Variants in WNK2 observed in about 807,000 individuals in gnomAD.
WNK2 encodes WNK lysine deficient protein kinase 2.
A neutral mutation model predicts 192.1 loss-of-function variants in WNK2; 67 were observed. The observed-to-expected ratio is 0.35, with a 90% confidence interval of 0.29 to 0.43. The LOEUF (loss-of-function observed/expected upper bound fraction) is 0.43. WNK2 is among the 20% of genes least tolerant of loss of function. The pLI, the probability that WNK2 is intolerant of heterozygous loss-of-function variation, is 1.00. For missense variants in WNK2, 2,698 were observed against 3,089.7 expected, an observed-to-expected ratio of 0.87 and a Z score of 3.01; for synonymous variants, 1,439 against 1,393.9, an observed-to-expected ratio of 1.03 and a Z score of -0.72.
chr9:93,254,711 C>T (rs146294837), intron 9 of WNK2, among the ~76,000 whole-genome samples: 2 of 152,302 alleles, frequency 1.3e-5, no homozygotes, highest in East Asian at 3.9e-4. Context: ...TGCCTGTAAT[C>T]CTAGCATTTT....
chr9:93,249,914 T>TTTTG (rs1842308059), intron 8 of WNK2, among the ~76,000 whole-genome samples: 1 of 132,564 alleles, frequency 7.5e-6, no homozygotes, highest in African/African-American at 3.1e-5. Flanking sequence ...CCAATTTTTT[T>TTTTG]TTTTTTTTTT....
intron 19 of WNK2, among the ~76,000 whole-genome samples, chr9:93,270,738 T>C (rs944510933): frequency 2.0e-5 from 3 of 152,120 alleles, no homozygotes; most frequent in African/African-American, 7.2e-5. Context: ...CCCCCTTCTC[T>C]TGCACCAGCA....
chr9:93,291,555 A>G (rs1013550196), intron 21 of WNK2, among the ~76,000 whole-genome samples: 5 of 152,078 alleles, frequency 3.3e-5, no homozygotes, highest in Admixed American at 6.5e-5. Flanking sequence ...CAGGGACTGG[A>G]TTGGGGCTCC....
At position 93,231,163 on chromosome 9, in the gene WNK2, G is replaced by A. The variant is rs565757166; in HGVS notation, c.1075+55G>A. On this transcript the variant is annotated intron_variant, in intron 4 of 29. Transcript: ENST00000427277. ...GGAGCCCATGAGAAGCTGGGCAGCAGTGAGTGCTGGCGAGCATCCAGTTTT... is the reference window on the plus strand; with the variant it reads ...GGAGCCCATGAGAAGCTGGGCAGCAATGAGTGCTGGCGAGCATCCAGTTTT... The A allele has an allele frequency of 8.5e-6, 13 of 1,536,994 alleles. No homozygotes were observed. The African/African-American group carries it at 1.8e-4, about 21-fold the overall frequency.
chr9:93,233,132 A>G (rs1361045416), intron 4 of WNK2, among the ~76,000 whole-genome samples: 4 of 145,556 alleles, frequency 2.7e-5, no homozygotes, highest in African/African-American at 5.1e-5. Flanking sequence ...TGGGAGGTCG[A>G]GGTTGCAGTG....
At chr9:93,248,239 G>T (rs73651384) in intron 8 of WNK2, among the ~76,000 whole-genome samples, 12,772 of 152,344 alleles carry the variant, frequency 0.084, 1,000 homozygotes, top group African/African-American at 0.2. Flanking sequence ...ACCATGCAGG[G>T]TGTGGACCCT....
chr9:93,317,954 C>T (rs772867151), intron 29 of WNK2: 1 of 1,612,226 alleles, frequency 6.2e-7, no homozygotes, highest in Non-Finnish European at 8.5e-7. Context: ...GGGCACAGCA[C>T]TCAGCCGCGA....
intron 8 of WNK2, among the ~76,000 whole-genome samples, chr9:93,250,746 T>C (rs1337956998): frequency 6.6e-6 from 1 of 151,522 alleles, no homozygotes; most frequent in Non-Finnish European, 1.5e-5. Context: ...AAATGTCTTC[T>C]AAAATGTTTA....
chr9:93,240,307 T>C (rs1165436883), intron 7 of WNK2, among the ~76,000 whole-genome samples: 1 of 152,194 alleles, frequency 6.6e-6, no homozygotes, highest in African/African-American at 2.4e-5. Context: ...AAGGCCTCGC[T>C]TGCTTTGCCG....
intron 11 of WNK2, 133 bp from the exon 12 acceptor site, chr9:93,258,798 G>T: frequency 2.7e-6 from 2 of 748,914 alleles, no homozygotes; most frequent in Non-Finnish European, 4.4e-6. Flanking sequence ...AAGGTGTCTC[G>T]GAGGGAAAGG....
intron 2 of WNK2, among the ~76,000 whole-genome samples, chr9:93,202,336 GTGT>G (rs1563976293): frequency 2.7e-4 from 38 of 138,426 alleles, no homozygotes; most frequent in African/African-American, 9.5e-4. Flanking sequence ...GTGTGTGTGT[GTGT>G]GTGTGTGTGT....
intron 2 of WNK2, among the ~76,000 whole-genome samples, chr9:93,207,707 C>T (rs115670553): frequency 6.6e-6 from 1 of 152,366 alleles, no homozygotes; most frequent in African/African-American, 2.4e-5. Context: ...TGCTGCTGGC[C>T]TAAGTCACGG....
intron 24 of WNK2, among the ~76,000 whole-genome samples, chr9:93,298,795 A>C (rs903224651): frequency 6.6e-6 from 1 of 152,228 alleles, no homozygotes; most frequent in Non-Finnish European, 1.5e-5. Context: ...TGAGATGAGA[A>C]GTACACAGGC....
chr9:93,207,992 A>G (rs1833704570), intron 2 of WNK2, among the ~76,000 whole-genome samples: 1 of 152,214 alleles, frequency 6.6e-6, no homozygotes, highest in East Asian at 1.9e-4. Flanking sequence ...CTCCTTGTCC[A>G]GGGGCTTTGT....
intron 19 of WNK2, among the ~76,000 whole-genome samples, chr9:93,286,193 A>G (rs1848421550): frequency 6.6e-6 from 1 of 151,514 alleles, no homozygotes; most frequent in Non-Finnish European, 1.5e-5. Context: ...ATAAAAAACT[A>G]TTGTTTATCA....
intron 2 of WNK2, among the ~76,000 whole-genome samples, chr9:93,197,112 A>G (rs113298763): frequency 5.1e-4 from 78 of 152,290 alleles, no homozygotes; most frequent in African/African-American, 1.8e-3. Flanking sequence ...ATTTTGGAAA[A>G]CTTTGGAAAA....
chr9:93,309,224 T>G, intron 28 of WNK2: 2 of 741,666 alleles, frequency 2.7e-6, no homozygotes, highest in South Asian at 1.2e-4. Flanking sequence ...TTTTTGTATT[T>G]TTTAGCGTGG....
Position 93,263,297 on chromosome 9 carries a change from C to T in WNK2, c.3411-269C>T, listed in dbSNP as rs181133439. 1.6e-3 allele frequency: 841 copies of T among 531,298 alleles called. 4 individuals are homozygous for T. The highest frequency in any genetic ancestry group is 5.3e-3 in the East Asian group (158 of 29,708). 32.9% of individuals were successfully genotyped at this position (531,298 alleles called of 1,614,324 possible). A position where few individuals can be genotyped will look rare whatever the true frequency, so the allele number is the denominator to read the frequency against. The stretch of plus-strand genomic sequence containing the variant: ...GGAAACTGAGGCACAGGGGCTGATT[C>T]GCAGGTCAGGAGACTGAGAGGATCA... On this transcript the variant is annotated intron_variant, in intron 14 of 29. Coordinates refer to ENST00000427277, the MANE Select transcript of WNK2 (RefSeq NM_006648.4).
intron 28 of WNK2, chr9:93,308,952 G>C: frequency 9.2e-7 from 1 of 1,090,342 alleles, no homozygotes. Flanking sequence ...TTTGTGCCCA[G>C]GCTGGAGACC....
Sources: allele counts gnomAD v4.1 joint callset (sites outside exome capture counted in the v4.1 genomes callset), GRCh38; gene constraint gnomAD v4.1.1; transcripts MANE v1.5; gene names NCBI Gene and HGNC (gene_info 2026-07-23, HGNC 2026-07-21).